SMPD3: variants seen among roughly 807,000 people sequenced by gnomAD.
The protein encoded by SMPD3 is nSMase-2.
Under a neutral mutation model 55.7 loss-of-function variants are expected in SMPD3, and 21 were observed. That is an observed-to-expected ratio of 0.38 (90% confidence interval 0.27 to 0.54). SMPD3 has a LOEUF of 0.54. Among genes scored for constraint, SMPD3 ranks in the 20% least tolerant of loss-of-function variants. The probability of loss-of-function intolerance (pLI) is 0.80; values close to 1 mark genes in which losing one functional copy is unlikely to be tolerated. For synonymous variants in SMPD3, 457 were observed against 404.3 expected (o/e 1.13, Z -1.56); for missense variants, 842 against 899.6 (o/e 0.94, Z 0.82).
chr16:68,374,569 G>C (rs1050410786), intron 2 of SMPD3, among the ~76,000 whole-genome samples: 4 of 152,230 alleles, frequency 2.6e-5, no homozygotes, highest in African/African-American at 9.6e-5. Flanking sequence ...AGCGGGACTG[G>C]TGGGTGTCCA....
At chr16:68,420,091 C>T (rs1447372144) in intron 1 of SMPD3, among the ~76,000 whole-genome samples, 2 of 151,698 alleles carry the variant, frequency 1.3e-5, no homozygotes, top group African/African-American at 4.8e-5. Context: ...TCAAGCAATC[C>T]TCCCACCTGT....
intron 2 of SMPD3, among the ~76,000 whole-genome samples, chr16:68,380,664 T>C (rs1281857401): frequency 6.6e-6 from 1 of 152,230 alleles, no homozygotes; most frequent in Non-Finnish European, 1.5e-5. Context: ...CAGGTTCTGC[T>C]GTTGAGATTT....
At chr16:68,361,374 C>T in intron 8 of SMPD3, 67 bp from the exon 9 acceptor site, 1 of 1,513,544 alleles carries the variant, frequency 6.6e-7, no homozygotes, top group Non-Finnish European at 9.0e-7. Context: ...AGGGAGCGGC[C>T]TGGGGATCCC....
intron 3 of SMPD3, among the ~76,000 whole-genome samples, chr16:68,367,172 A>G (rs1003905156): frequency 6.6e-6 from 1 of 152,138 alleles, no homozygotes; most frequent in Admixed American, 6.5e-5. Flanking sequence ...CTGTCTCAAA[A>G]TAAATAAAAG....
chr16:68,386,619 CTTG>C lies in SMPD3; in HGVS notation c.-231_-229del, dbSNP rs1212297380. On this transcript the variant is annotated 5_prime_UTR_variant, in exon 2 of 9. Transcript: ENST00000219334. ...TTACCTGAGGAGGGGCCACTGGGAC[CTTG>C]TTGTCCTTCTCTCTGAAGAAGAGCT... 1 of 151,120 alleles carries C rather than the reference CTTG, an allele frequency of 6.6e-6. No individual in the cohort carries two copies. The highest frequency in any genetic ancestry group is 1.5e-5 in the Non-Finnish European group (1 of 67,570). 9.4% of individuals were successfully genotyped at this position (151,120 alleles called of 1,614,324 possible). A position where few individuals can be genotyped will look rare whatever the true frequency, so the allele number is the denominator to read the frequency against.
chr16:68,429,602 G>A (rs563402367), intron 1 of SMPD3, among the ~76,000 whole-genome samples: 1 of 152,312 alleles, frequency 6.6e-6, no homozygotes, highest in East Asian at 1.9e-4. Flanking sequence ...AGGGTTGCGT[G>A]ATCAGTTGCA....
chr16:68,361,740 C>A lies in SMPD3; in HGVS notation c.1729G>T (p.Gly577Cys). 1 of 1,612,694 alleles carries A rather than the reference C, an allele frequency of 6.2e-7. No homozygotes were observed. Among genetic ancestry groups the A allele is most frequent in the Non-Finnish European group, 8.5e-7 (1 of 1,179,936 alleles). Reference protein sequence around the residue: ...NLQKVLESEEGRREYLAFPTS... With the variant: ...NLQKVLESEECRREYLAFPTS... Reference sequence around the variant, plus strand: ...GGAAACGCCAGGTACTCCCTGCGGCCCTCCTCACTCTCCAGGACCCTGTCC... The same window carrying A: ...GGAAACGCCAGGTACTCCCTGCGGCACTCCTCACTCTCCAGGACCCTGTCC... Residue 577 changes from glycine (G) to cysteine (C), a missense_variant, in exon 8 of 9, where the codon GGC becomes TGC. This residue lies in a region of SMPD3 where 649 missense variants were observed against 643.6 expected (regional missense o/e 1.01). Coordinates refer to ENST00000219334, the MANE Select transcript of SMPD3 (RefSeq NM_018667.4).
chr16:68,397,982 A>G (rs2090174063), intron 1 of SMPD3, among the ~76,000 whole-genome samples: 1 of 149,528 alleles, frequency 6.7e-6, no homozygotes, highest in Non-Finnish European at 1.5e-5. Context: ...AATATGCCCC[A>G]AAGGCAGCCT....
chr16:68,361,397 C>T, intron 8 of SMPD3, 90 bp from the exon 9 acceptor site: 2 of 1,449,906 alleles, frequency 1.4e-6, no homozygotes, highest in Non-Finnish European at 1.9e-6. Flanking sequence ...AAGTGAGGCC[C>T]CGGGGCTGGG....
intron 1 of SMPD3, among the ~76,000 whole-genome samples, chr16:68,432,946 G>A (rs920731293): frequency 6.6e-6 from 1 of 152,156 alleles, no homozygotes; most frequent in African/African-American, 2.4e-5. Flanking sequence ...TGGGACTACA[G>A]GTGTGTGCCA....
intron 1 of SMPD3, among the ~76,000 whole-genome samples, chr16:68,435,630 G>A (rs576053891): frequency 3.9e-5 from 6 of 152,216 alleles, no homozygotes; most frequent in Non-Finnish European, 8.8e-5. Context: ...TCCTGCCAGG[G>A]CCCAAGTTCT....
chr16:68,448,132 T>C (rs985913810), intron 1 of SMPD3, among the ~76,000 whole-genome samples: 1 of 152,008 alleles, frequency 6.6e-6, no homozygotes, highest in Admixed American at 6.5e-5. Context: ...CCCCCAGCCC[T>C]CGCCCCTCAT....
intron 2 of SMPD3, among the ~76,000 whole-genome samples, chr16:68,380,705 A>G (rs748892945): frequency 9.9e-5 from 15 of 152,236 alleles, no homozygotes; most frequent in Non-Finnish European, 1.3e-4. Context: ...CTTCCCTGAC[A>G]TGAAGGCTGA....
chr16:68,375,984 C>T (rs760324750), intron 2 of SMPD3, among the ~76,000 whole-genome samples: 4 of 152,202 alleles, frequency 2.6e-5, no homozygotes, highest in Admixed American at 6.5e-5. Context: ...CTCCTGTGTG[C>T]GGCCCCTGCC....
At chr16:68,366,757 C>T (rs760431133) in intron 3 of SMPD3, among the ~76,000 whole-genome samples, 4 of 152,174 alleles carry the variant, frequency 2.6e-5, no homozygotes, top group Non-Finnish European at 4.4e-5. Flanking sequence ...CACCTGTAAT[C>T]CCAGCATTTT....
At chr16:68,416,488 T>C (rs901944242) in intron 1 of SMPD3, among the ~76,000 whole-genome samples, 137 of 152,334 alleles carry the variant, frequency 9.0e-4, no homozygotes, top group African/African-American at 3.1e-3. Flanking sequence ...CGGCAAACCT[T>C]ACACAATCTA....
intron 1 of SMPD3, among the ~76,000 whole-genome samples, chr16:68,420,506 T>A (rs951695097): frequency 6.6e-6 from 1 of 152,120 alleles, no homozygotes; most frequent in Non-Finnish European, 1.5e-5. Context: ...TACCTGACAG[T>A]CCTCCCATTA....
intron 1 of SMPD3, among the ~76,000 whole-genome samples, chr16:68,437,192 A>G (rs1279123546): frequency 6.6e-6 from 1 of 152,216 alleles, no homozygotes; most frequent in Non-Finnish European, 1.5e-5. Context: ...ACAGAGTAGG[A>G]GCCAGTTGTG....
chr16:68,367,568 C>T (rs995447450), intron 3 of SMPD3: 2 of 152,260 alleles, frequency 1.3e-5, no homozygotes, highest in East Asian at 1.9e-4. Flanking sequence ...ACCTGCCCCG[C>T]GCTGTGTCCC....
Sources: gnomAD v4.1 joint callset for allele counts (sites outside exome capture counted in the v4.1 genomes callset) on GRCh38, gnomAD v4.1.1 for gene constraint, gnomAD v4.1.1 regional missense constraint, MANE v1.5 for transcripts, NCBI Gene and HGNC (gene_info 2026-07-23, HGNC 2026-07-21) for gene names.